The following UBXN2A variants were observed in gnomAD, a reference collection of about 807,000 sequenced individuals.
UBXN2A encodes UBX domain-containing protein 2A.
In UBXN2A, 28 loss-of-function variants were observed where a neutral mutation model predicts 28.4. The observed-to-expected ratio is 0.99, with a 90% CI of 0.73 to 1.35. The LOEUF (loss-of-function observed/expected upper bound fraction) is 1.35. Ranked by LOEUF, UBXN2A falls within the 40% of genes most tolerant of loss-of-function variation. UBXN2A has a pLI of 0.00. For missense variants in UBXN2A, 253 were observed against 297.9 expected, an observed-to-expected ratio of 0.85 and a Z score of 1.11; for synonymous variants, 97 against 103.6, an observed-to-expected ratio of 0.94 and a Z score of 0.39.
chr2:23,941,122 T>G (rs1705735553), intron 1 of UBXN2A, among the ~76,000 whole-genome samples: 2 of 151,974 alleles, frequency 1.3e-5, no homozygotes, highest in African/African-American at 4.8e-5. Context: ...CTTAATTTCT[T>G]CTTTGTGCCT....
In UBXN2A at chr2:24,004,684, A is replaced by T. The variant is rs886179432; in HGVS notation, c.*4817A>T. 1 of 152,190 alleles carries T rather than the reference A, an allele frequency of 6.6e-6. No individual in the cohort carries two copies. The highest frequency in any genetic ancestry group is 1.5e-5 in the Non-Finnish European group (1 of 68,024). The allele number at this position is 152,190 out of a possible 1,614,324, so 9.4% of individuals were successfully genotyped here. A position where few individuals can be genotyped will look rare whatever the true frequency, so the allele number is the denominator to read the frequency against. On this transcript the variant is annotated 3_prime_UTR_variant, in exon 7 of 7. Transcript: ENST00000309033. ...AAAGAAAAAAAGAAATACATATCTA[A>T]TGTTACAGATTGTGGTTTATTGGTT...
At chr2:23,950,333 A>G (rs1706302652) in intron 1 of UBXN2A, among the ~76,000 whole-genome samples, 1 of 152,158 alleles carries the variant, frequency 6.6e-6, no homozygotes, top group Non-Finnish European at 1.5e-5. Context: ...TAGAATGAAC[A>G]TGTTATGCTT....
At chr2:23,952,232 G>T (rs1274303531) in intron 1 of UBXN2A, among the ~76,000 whole-genome samples, 2 of 152,050 alleles carry the variant, frequency 1.3e-5, no homozygotes, top group East Asian at 3.9e-4. Flanking sequence ...CGCCCAAAGT[G>T]CTGGGATTAC....
chr2:23,936,513 C>T (rs1705532208), upstream of UBXN2A, among the ~76,000 whole-genome samples: 1 of 150,010 alleles, frequency 6.7e-6, no homozygotes. Flanking sequence ...GAGTTTGAGA[C>T]TAGCCTGGGC....
At chr2:23,946,294 C>T (rs1288285590) in intron 1 of UBXN2A, among the ~76,000 whole-genome samples, 1 of 151,458 alleles carries the variant, frequency 6.6e-6, no homozygotes, top group Non-Finnish European at 1.5e-5. Flanking sequence ...CTTGGGACTA[C>T]AGGCGTGTGC....
chr2:23,950,200 G>A (rs1184876745), intron 1 of UBXN2A, among the ~76,000 whole-genome samples: 2 of 152,058 alleles, frequency 1.3e-5, no homozygotes, highest in Non-Finnish European at 2.9e-5. Flanking sequence ...AAATGCTTAG[G>A]AGGAGACTAT....
chr2:23,968,102 A>G (rs1472548930), intron 2 of UBXN2A, among the ~76,000 whole-genome samples: 1 of 152,188 alleles, frequency 6.6e-6, no homozygotes, highest in Non-Finnish European at 1.5e-5. Context: ...GCTCAGTGAT[A>G]GCTATTCTCC....
At chr2:23,983,068 A>G in intron 5 of UBXN2A, 35 bp downstream of exon 5, 3 of 1,531,236 alleles carry the variant, frequency 2.0e-6, no homozygotes, top group Non-Finnish European at 2.6e-6. Flanking sequence ...TGCATAGATC[A>G]AGGCTTAACT....
intron 2 of UBXN2A, among the ~76,000 whole-genome samples, chr2:23,966,996 A>G (rs1171600059): frequency 6.6e-6 from 1 of 151,146 alleles, no homozygotes; most frequent in Non-Finnish European, 1.5e-5. Context: ...GGGCTCAAGC[A>G]GTTCTCCTAC....
intron 6 of UBXN2A, among the ~76,000 whole-genome samples, chr2:23,994,371 T>C (rs955315681): frequency 2.6e-5 from 4 of 152,204 alleles, no homozygotes; most frequent in South Asian, 2.1e-4. Context: ...TCTTGGCCAG[T>C]ATTGATGGAA....
At chr2:23,972,009 G>C (rs963363464) in intron 3 of UBXN2A, among the ~76,000 whole-genome samples, 1 of 152,062 alleles carries the variant, frequency 6.6e-6, no homozygotes, top group Non-Finnish European at 1.5e-5. Context: ...TGAGTTGGGA[G>C]GATTGCTTGA....
rs920931421 is a variant in UBXN2A, at chr2:24,000,295, G to A, written c.*428G>A. ...ACAGTGGTTCATGCCTGTAATCCCA[G>A]AACTTCGGGAGGCCGAGACAGGCAG... On this transcript the variant is annotated 3_prime_UTR_variant, in exon 7 of 7. Transcript: ENST00000309033. The A allele has an allele frequency of 6.5e-6, 1 of 154,082 alleles. No individual in the cohort carries two copies. Among genetic ancestry groups the A allele is most frequent in the Non-Finnish European group, 1.4e-5 (1 of 69,396 alleles). 9.5% of individuals were successfully genotyped at this position (154,082 alleles called of 1,614,324 possible). A position where few individuals can be genotyped will look rare whatever the true frequency, so the allele number is the denominator to read the frequency against.
chr2:23,965,751 G>C (rs1186785897), intron 2 of UBXN2A, among the ~76,000 whole-genome samples: 1 of 152,098 alleles, frequency 6.6e-6, no homozygotes, highest in Non-Finnish European at 1.5e-5. Flanking sequence ...TATTCCCTCT[G>C]CTTCTATTTT....
chr2:23,977,637 A>T (rs1036206780), intron 4 of UBXN2A, among the ~76,000 whole-genome samples: 1 of 152,164 alleles, frequency 6.6e-6, no homozygotes, highest in Non-Finnish European at 1.5e-5. Flanking sequence ...GCAAAACTCC[A>T]TCTCAAAACC....
At chr2:23,961,282 G>C (rs1706895866) in intron 2 of UBXN2A, among the ~76,000 whole-genome samples, 1 of 151,462 alleles carries the variant, frequency 6.6e-6, no homozygotes, top group South Asian at 2.1e-4. Context: ...TTTTAGTAGA[G>C]ATGGGGTTTC....
chr2:23,939,884 C>T (rs962721956), upstream of UBXN2A, among the ~76,000 whole-genome samples: 1 of 151,996 alleles, frequency 6.6e-6, no homozygotes, highest in Non-Finnish European at 1.5e-5. Context: ...CCAAGGCGGG[C>T]GGATCACCTG....
intron 1 of UBXN2A, among the ~76,000 whole-genome samples, chr2:23,955,465 T>C (rs1386604560): frequency 1.3e-5 from 2 of 152,226 alleles, no homozygotes; most frequent in Admixed American, 6.5e-5. Context: ...TCTCTTTCAA[T>C]AAGGAGTTTA....
In UBXN2A at chr2:24,000,837, T is replaced by G. The variant is rs1485884886; in HGVS notation, c.*970T>G. On this transcript the variant is annotated 3_prime_UTR_variant, in exon 7 of 7. Transcript: ENST00000309033. ...TTATCTTTCTAAAAAGCCTATTCCC[T>G]TTCCATTTTATTTTCTTTCAAAAAT... 1 of 152,248 alleles carries G rather than the reference T, an allele frequency of 6.6e-6. No homozygotes were observed. Among genetic ancestry groups the G allele is most frequent in the South Asian group, 2.1e-4 (1 of 4,834 alleles). The allele number at this position is 152,248 out of a possible 1,614,324, so 9.4% of individuals were successfully genotyped here.
chr2:23,973,248 T>A (rs1377391295), intron 3 of UBXN2A, among the ~76,000 whole-genome samples: 1 of 152,150 alleles, frequency 6.6e-6, no homozygotes, highest in Non-Finnish European at 1.5e-5. Context: ...CTCGAACTCC[T>A]GACCTTGTGA....
Sources: allele counts gnomAD v4.1 joint callset (sites outside exome capture counted in the v4.1 genomes callset), GRCh38; gene constraint gnomAD v4.1.1; transcripts MANE v1.5; gene names NCBI Gene and HGNC (gene_info 2026-07-23, HGNC 2026-07-21).